The following TAF4B variants were observed in gnomAD, a reference collection of about 807,000 sequenced individuals.
TAF4B encodes the protein transcription initiation factor TFIID subunit 4B.
TAF4B carries 38 observed loss-of-function variants against 86.4 expected under a neutral mutation model. The observed-to-expected ratio is 0.44, with a 90% CI of 0.34 to 0.58. The LOEUF (loss-of-function observed/expected upper bound fraction) is 0.58. Among genes scored for constraint, TAF4B ranks in the 20% least tolerant of loss-of-function variants. The probability of loss-of-function intolerance (pLI) is 0.02; values close to 1 mark genes in which losing one functional copy is unlikely to be tolerated. For missense variants in TAF4B, 988 were observed against 1,027.6 expected (o/e 0.96, Z 0.53); for synonymous variants, 388 against 391.2 (o/e 0.99, Z 0.10).
intron 7 of TAF4B, 38 bp downstream of exon 7, chr18:26,286,537 T>C: frequency 6.5e-7 from 1 of 1,547,760 alleles, no homozygotes; most frequent in Non-Finnish European, 8.7e-7. Flanking sequence ...TTACTTATTT[T>C]GAAAATTTTG....
rs373381309 is a variant in TAF4B at position 26,296,027 on chromosome 18, AGTAT to A, written c.1832+2498_1832+2501del. On this transcript the variant is annotated intron_variant, in intron 9 of 14. Coordinates refer to ENST00000269142, the MANE Select transcript of TAF4B (RefSeq NM_005640.3). ...GTGTGTGTGTTTCAGGGAGTGTAAT[AGTAT>A]GGATTTTAGTCCTTTTGCCTCTCTT... 5.2e-4 allele frequency among the ~76,000 whole-genome samples: 79 copies of A among 151,458 alleles called. 1 individual carries two copies. The highest frequency in any genetic ancestry group is 1.9e-3 in the African/African-American group (78 of 41,308).
At chr18:26,351,270 A>G (rs1420901147) in intron 13 of TAF4B, among the ~76,000 whole-genome samples, 1 of 152,228 alleles carries the variant, frequency 6.6e-6, no homozygotes, top group Non-Finnish European at 1.5e-5. Context: ...CAGGAAAAAA[A>G]AAGTTAAACA....
rs556302791 is a variant in TAF4B, at chr18:26,274,677, A to G, written c.612A>G (p.Pro204=). The G allele has an allele frequency of 3.7e-6, 6 of 1,614,218 alleles. No individual in the cohort carries two copies. The highest frequency in any genetic ancestry group is 3.3e-5 in the South Asian group (3 of 91,084). The part of the protein sequence containing the change: ...KPSSVQSVAV[P]TSVVTVTPGK... ...TTTAATTTCAGTCTGTGGCTGTGCC[A>G]ACCAGTGTCGTCACAGTTACTCCTG... is the stretch of plus-strand genomic sequence containing the variant. The change falls in exon 4 of 15, where the codon CCA becomes CCG. Residue 204 remains proline, a synonymous_variant. Coordinates refer to ENST00000269142, the MANE Select transcript of TAF4B (RefSeq NM_005640.3).
At chr18:26,276,628 C>A (rs2056387737) in intron 5 of TAF4B, among the ~76,000 whole-genome samples, 1 of 152,102 alleles carries the variant, frequency 6.6e-6, no homozygotes. Context: ...GTTAGTTTTT[C>A]ATTTGGGAAG....
At chr18:26,352,823 A>G (rs371654037) in intron 13 of TAF4B, among the ~76,000 whole-genome samples, 1 of 152,248 alleles carries the variant, frequency 6.6e-6, no homozygotes, top group South Asian at 2.1e-4. Flanking sequence ...CAACTTAGAT[A>G]GATTAAATGA....
At chr18:26,384,222 G>C (rs191264698) in intron 14 of TAF4B, among the ~76,000 whole-genome samples, 12 of 152,256 alleles carry the variant, frequency 7.9e-5, no homozygotes, top group Admixed American at 3.3e-4. Flanking sequence ...ATGAATCTTT[G>C]CCTCTTGATT....
intron 1 of TAF4B, among the ~76,000 whole-genome samples, chr18:26,245,990 A>G (rs1234948196): frequency 6.6e-6 from 1 of 152,180 alleles, no homozygotes; most frequent in African/African-American, 2.4e-5. Flanking sequence ...GTGGATTTTT[A>G]TAGGATAAAT....
intron 5 of TAF4B, among the ~76,000 whole-genome samples, chr18:26,280,486 T>C (rs1486190075): frequency 6.6e-6 from 1 of 152,004 alleles, no homozygotes; most frequent in East Asian, 1.9e-4. Flanking sequence ...CATTAAAAAA[T>C]AGGTAAACAA....
rs11291283 is a variant in TAF4B at position 26,262,477 on chromosome 18, C to CT, written c.344-2678dup. ...CATGCCTTAGGACAGTTTCCAAACA[C>CT]TTTTTTTTTTTTTTTGAGACAGAAT... On this transcript the variant is annotated intron_variant, in intron 1 of 14. Transcript: ENST00000269142. Among the ~76,000 whole-genome samples the CT allele has an allele frequency of 5.0e-3, 714 of 143,390 alleles. 1 individual carries two copies. Among genetic ancestry groups the CT allele is most frequent in the African/African-American group, 6.1e-3 (235 of 38,702 alleles). 94.1% of individuals were successfully genotyped at this position (143,390 alleles called of 152,430 possible). A position where few individuals can be genotyped will look rare whatever the true frequency, so the allele number is the denominator to read the frequency against.
intron 9 of TAF4B, among the ~76,000 whole-genome samples, chr18:26,295,566 G>A (rs1180139936): frequency 6.6e-6 from 1 of 152,180 alleles, no homozygotes; most frequent in African/African-American, 2.4e-5. Context: ...AGGCAGTAAT[G>A]CTCGCTTGCG....
intron 8 of TAF4B, among the ~76,000 whole-genome samples, chr18:26,293,076 G>A (rs1367811353): frequency 6.6e-6 from 1 of 152,166 alleles, no homozygotes; most frequent in Non-Finnish European, 1.5e-5. Flanking sequence ...AAGTCAGGTA[G>A]ACTGGGAAAT....
chr18:26,362,598 G>A (rs996826793), intron 14 of TAF4B, among the ~76,000 whole-genome samples: 1 of 152,124 alleles, frequency 6.6e-6, no homozygotes, highest in African/African-American at 2.4e-5. Context: ...TCAAAACAAT[G>A]ATAAAAACCA....
intron 12 of TAF4B, among the ~76,000 whole-genome samples, chr18:26,333,583 G>T (rs959052610): frequency 6.6e-6 from 1 of 152,138 alleles, no homozygotes; most frequent in East Asian, 1.9e-4. Context: ...TAGAAATGGG[G>T]TCTTGCTGCA....
intron 14 of TAF4B, among the ~76,000 whole-genome samples, chr18:26,387,289 G>C (rs1009315051): frequency 1.3e-5 from 2 of 152,018 alleles, no homozygotes; most frequent in Non-Finnish European, 2.9e-5. Flanking sequence ...GGCTGGTCTC[G>C]AACTCCTGAC....
intron 7 of TAF4B, among the ~76,000 whole-genome samples, chr18:26,288,255 T>C (rs1415720103): frequency 6.6e-6 from 1 of 152,206 alleles, no homozygotes; most frequent in Admixed American, 6.5e-5. Flanking sequence ...AGCATGTCAT[T>C]ATATGCTATG....
At chr18:26,332,644 C>G (rs1286332244) in intron 12 of TAF4B, among the ~76,000 whole-genome samples, 1 of 152,110 alleles carries the variant, frequency 6.6e-6, no homozygotes, top group Non-Finnish European at 1.5e-5. Flanking sequence ...TTTCTCCTGC[C>G]TCAGCCTCCT....
At chr18:26,274,530 ATTGC>A in intron 3 of TAF4B, 129 bp from the exon 4 acceptor site, 1 of 911,848 alleles carries the variant, frequency 1.1e-6, no homozygotes, top group Non-Finnish European at 1.6e-6. Flanking sequence ...ACTGTATTAT[ATTGC>A]CTTAGACTAC....
At chr18:26,369,548 C>G (rs916871031) in intron 14 of TAF4B, among the ~76,000 whole-genome samples, 1 of 152,198 alleles carries the variant, frequency 6.6e-6, no homozygotes, top group African/African-American at 2.4e-5. Context: ...AAGTGTGAAA[C>G]TGCAGCCATA....
intron 14 of TAF4B, among the ~76,000 whole-genome samples, chr18:26,387,032 G>T (rs946625406): frequency 2.0e-5 from 3 of 152,064 alleles, no homozygotes; most frequent in Non-Finnish European, 4.4e-5. Context: ...TCTAATTTAT[G>T]GCTAAAGAAA....
Sources: gnomAD v4.1 joint callset for allele counts (sites outside exome capture counted in the v4.1 genomes callset) on GRCh38, gnomAD v4.1.1 for gene constraint, MANE v1.5 for transcripts, NCBI Gene and HGNC (gene_info 2026-07-23, HGNC 2026-07-21) for gene names.